Variants in DNAH9 observed in about 807,000 individuals in gnomAD.
The protein encoded by DNAH9 is DNAH9 variant protein.
A neutral mutation model predicts 471.6 loss-of-function variants in DNAH9; 345 were observed. That is an observed-to-expected ratio of 0.73 (90% CI 0.67 to 0.80). The LOEUF is 0.80. Ranked by LOEUF, DNAH9 falls within the 30% of genes least tolerant of loss-of-function variation. DNAH9 has a pLI of 0.00. For synonymous variants in DNAH9, 2,093 were observed against 2,123.6 expected (o/e 0.99, Z 0.40); for missense variants, 5,407 against 5,609.2 (o/e 0.96, Z 1.15).
At chr17:11,644,366 A>G (rs1200059276) in intron 10 of DNAH9, among the ~76,000 whole-genome samples, 1 of 152,142 alleles carries the variant, frequency 6.6e-6, no homozygotes, top group Non-Finnish European at 1.5e-5. Context: ...TGACTGGCTC[A>G]GCTAGGTGAG....
At chr17:11,812,902 C>T (rs1158885394) in intron 45 of DNAH9, among the ~76,000 whole-genome samples, 1 of 152,128 alleles carries the variant, frequency 6.6e-6, no homozygotes, top group Non-Finnish European at 1.5e-5. Flanking sequence ...CCCTCCTACC[C>T]CAAAGCTACC....
chr17:11,859,627 C>T (rs889500054), intron 50 of DNAH9, among the ~76,000 whole-genome samples: 7 of 152,100 alleles, frequency 4.6e-5, no homozygotes, highest in South Asian at 4.1e-4. Context: ...GCAGGTTTTA[C>T]AAGCAGCATG....
At chr17:11,926,743 A>G (rs2151031954) in intron 62 of DNAH9, among the ~76,000 whole-genome samples, 1 of 152,294 alleles carries the variant, frequency 6.6e-6, no homozygotes, top group Admixed American at 6.5e-5. Flanking sequence ...TTTATAATAA[A>G]ATGATTTATA....
intron 48 of DNAH9, among the ~76,000 whole-genome samples, chr17:11,833,848 G>A (rs544268496): frequency 6.6e-6 from 1 of 152,278 alleles, no homozygotes; most frequent in African/African-American, 2.4e-5. Context: ...AGGATTCACA[G>A]TAGACATTCC....
Position 11,696,925 on chromosome 17 carries a change from AGT to A in DNAH9, c.4872+2480_4872+2481del, listed in dbSNP as rs1435061810. ...TGCTCTGTCACCCAGGCTGGAGTGCAGTGGCATGATCATAGCTCACTGCAGCC... is the reference window on the plus strand; with the variant it reads ...TGCTCTGTCACCCAGGCTGGAGTGCAGGCATGATCATAGCTCACTGCAGCC... On this transcript the variant is annotated intron_variant, in intron 22 of 68. Transcript: ENST00000262442. 2.6e-5 allele frequency among the ~76,000 whole-genome samples: 4 copies of A among 152,184 alleles called. No individual in the cohort carries two copies. The East Asian group carries it at 7.7e-4, about 29-fold the overall frequency.
intron 1 of DNAH9, among the ~76,000 whole-genome samples, chr17:11,606,812 C>G (rs2072519392): frequency 6.6e-6 from 1 of 152,150 alleles, no homozygotes; most frequent in Non-Finnish European, 1.5e-5. Flanking sequence ...AAGACTTGGT[C>G]TTTCTCCATC....
intron 45 of DNAH9, among the ~76,000 whole-genome samples, chr17:11,819,479 G>A (rs1351146226): frequency 4.0e-5 from 6 of 151,898 alleles, no homozygotes; most frequent in African/African-American, 9.7e-5. Flanking sequence ...GTGCAGTGGC[G>A]CAATCTCGGC....
intron 67 of DNAH9, among the ~76,000 whole-genome samples, chr17:11,948,730 G>GT (rs1278351268): frequency 6.6e-6 from 1 of 152,186 alleles, no homozygotes; most frequent in Non-Finnish European, 1.5e-5. Flanking sequence ...CCTGGAAGGA[G>GT]TGGGACCCTT....
intron 67 of DNAH9, among the ~76,000 whole-genome samples, chr17:11,952,309 CTTTT>C (rs753276964): frequency 2.8e-5 from 2 of 71,086 alleles, no homozygotes; most frequent in African/African-American, 6.2e-5. Context: ...CCAGCTAATT[CTTTT>C]TTTTTTTTTT....
At chr17:11,668,395 G>A (rs570323790) in intron 15 of DNAH9, among the ~76,000 whole-genome samples, 1 of 152,070 alleles carries the variant, frequency 6.6e-6, no homozygotes, top group South Asian at 2.1e-4. Flanking sequence ...GGCTGGGCGC[G>A]GTGGCTCATG....
At chr17:11,841,277 A>G (rs1463674930) in intron 49 of DNAH9, among the ~76,000 whole-genome samples, 1 of 152,240 alleles carries the variant, frequency 6.6e-6, no homozygotes, top group Non-Finnish European at 1.5e-5. Flanking sequence ...TATGCCCAGG[A>G]AAGAACACAG....
intron 27 of DNAH9, chr17:11,723,623 T>C (rs1015855568): frequency 2.0e-5 from 3 of 152,154 alleles, no homozygotes; most frequent in Admixed American, 1.3e-4. Context: ...ATAAAAAGGG[T>C]CTGCAGTTTG....
intron 61 of DNAH9, among the ~76,000 whole-genome samples, chr17:11,907,908 T>C (rs910669163): frequency 6.6e-6 from 1 of 152,200 alleles, no homozygotes; most frequent in African/African-American, 2.4e-5. Flanking sequence ...GTAATAACCT[T>C]ATATCACCAT....
At chr17:11,664,270 G>T (rs1274162581) in intron 14 of DNAH9, among the ~76,000 whole-genome samples, 1 of 151,900 alleles carries the variant, frequency 6.6e-6, no homozygotes, top group Non-Finnish European at 1.5e-5. Context: ...GGAGGAAGGA[G>T]GGGAGAGAGA....
At chr17:11,701,371 A>G in intron 24 of DNAH9, 124 bp downstream of exon 24, 12 of 1,072,494 alleles carry the variant, frequency 1.1e-5, no homozygotes, top group Non-Finnish European at 1.6e-5. Flanking sequence ...GGAGGCTTGA[A>G]TCCCAGACCA....
intron 30 of DNAH9, 149 bp downstream of exon 30, chr17:11,742,462 T>C (rs1024273226): frequency 1.4e-6 from 1 of 703,926 alleles, no homozygotes; most frequent in Middle Eastern, 3.7e-4. Flanking sequence ...CTCTGAACAC[T>C]TCCATATTAA....
chr17:11,752,918 A>C lies in DNAH9; in HGVS notation c.6696A>C (p.Pro2232=), dbSNP rs957286809. ...TTTTACTGGATGGCGACATAGATCCAATGTGGATTGAATCCCTGAATACTG... is the reference window on the plus strand; with the variant it reads ...TTTTACTGGATGGCGACATAGATCCCATGTGGATTGAATCCCTGAATACTG... ...KWILLDGDID[P]MWIESLNTVM... Residue 2232 remains proline, a synonymous_variant, in exon 33 of 69, where the codon CCA becomes CCC. Coordinates refer to ENST00000262442, the MANE Select transcript of DNAH9 (RefSeq NM_001372.4). The C allele has an allele frequency of 8.7e-6, 14 of 1,607,392 alleles. No individual in the cohort carries two copies. The East Asian group carries it at 3.1e-4, about 36-fold the overall frequency.
rs766600943 is a variant in DNAH9, at chr17:11,664,901, C to A, written c.2664C>A (p.Asp888Glu). ...NIWKTYVNSI[D>E]NLLLNGFFLA... The stretch of plus-strand genomic sequence containing the variant: ...GGAAGACTTATGTTAACTCTATTGA[C>A]AATTTGTTGCTGAATGGATTCTTTC... The change falls in exon 15 of 69, where the codon GAC becomes GAA. Residue 888 changes from aspartate (D) to glutamate (E), a missense_variant. Physicochemically the swap from Asp to Glu is conservative, Grantham distance 45 (BLOSUM62 2). This residue lies in a region of DNAH9 where 4,636 missense variants were observed against 4,900.3 expected (regional missense o/e 0.95). Coordinates refer to ENST00000262442, the MANE Select transcript of DNAH9 (RefSeq NM_001372.4). 6 of 1,612,188 alleles carry A rather than the reference C, an allele frequency of 3.7e-6. No homozygotes were observed. The highest frequency in any genetic ancestry group is 1.3e-5 in the African/African-American group (1 of 75,006).
chr17:11,825,814 T>A (rs905026200), intron 48 of DNAH9, among the ~76,000 whole-genome samples: 5 of 152,222 alleles, frequency 3.3e-5, no homozygotes, highest in African/African-American at 1.2e-4. Context: ...ACATACTATA[T>A]GGAAAAGCAT....
Sources: gnomAD v4.1 joint callset for allele counts (sites outside exome capture counted in the v4.1 genomes callset) on GRCh38, gnomAD v4.1.1 for gene constraint, gnomAD v4.1.1 regional missense constraint, MANE v1.5 for transcripts, NCBI Gene and HGNC (gene_info 2026-07-23, HGNC 2026-07-21) for gene names.